PHF24: variants seen among roughly 807,000 people sequenced by gnomAD.
PHF24 encodes the protein Galpha inhibitory interacting protein.
A neutral mutation model predicts 42.6 loss-of-function variants in PHF24; 25 were observed. That is an observed-to-expected ratio of 0.59 (90% CI 0.43 to 0.82). The LOEUF (loss-of-function observed/expected upper bound fraction) is 0.82. Ranked by LOEUF, PHF24 falls within the 40% of genes least tolerant of loss-of-function variation. PHF24 has a pLI of 0.00. For synonymous variants in PHF24, 185 were observed against 204.8 expected, an observed-to-expected ratio of 0.90 and a Z score of 0.83; for missense variants, 470 against 538.1, an observed-to-expected ratio of 0.87 and a Z score of 1.25.
chr9:34,937,852 A>G, the PHF24 span, among the ~76,000 whole-genome samples: 1 of 152,188 alleles, frequency 6.6e-6, no homozygotes, highest in Admixed American at 6.5e-5. Context: ...AAATAGATTC[A>G]TGGTTCTCTA....
At chr9:34,744,387 G>C in the PHF24 span, among the ~76,000 whole-genome samples, 1 of 152,096 alleles carries the variant, frequency 6.6e-6, no homozygotes. Flanking sequence ...TTCAAATTTG[G>C]GGTAAAAACT....
the PHF24 span, among the ~76,000 whole-genome samples, chr9:34,851,547 C>A: frequency 6.6e-6 from 1 of 152,220 alleles, no homozygotes; most frequent in African/African-American, 2.4e-5. Flanking sequence ...TGACCCCTTG[C>A]ACTTCCCGAG....
the PHF24 span, among the ~76,000 whole-genome samples, chr9:34,861,575 A>G: frequency 6.6e-6 from 1 of 152,230 alleles, no homozygotes; most frequent in Non-Finnish European, 1.5e-5. Flanking sequence ...TAAAGAGGCC[A>G]CCACTGATCA....
chr9:34,875,493 AAGT>A, the PHF24 span, among the ~76,000 whole-genome samples: 2 of 152,150 alleles, frequency 1.3e-5, no homozygotes, highest in African/African-American at 4.8e-5. Context: ...CATATAATAA[AAGT>A]AGGATTGTTT....
chr9:34,937,531 T>C, the PHF24 span, among the ~76,000 whole-genome samples: 1 of 152,018 alleles, frequency 6.6e-6, no homozygotes, highest in Non-Finnish European at 1.5e-5. Context: ...CAGGGTCCTC[T>C]GCCTAGGAAA....
the PHF24 span, among the ~76,000 whole-genome samples, chr9:34,912,031 A>C: frequency 5.3e-5 from 8 of 152,214 alleles, no homozygotes; most frequent in Non-Finnish European, 1.2e-4. Flanking sequence ...GAAAAGATGG[A>C]CCAAGCAAGC....
At chr9:34,733,672 T>A in the PHF24 span, among the ~76,000 whole-genome samples, 3 of 152,122 alleles carry the variant, frequency 2.0e-5, no homozygotes, top group African/African-American at 7.2e-5. Flanking sequence ...GGCTAATTTT[T>A]ATTTTTATTT....
chr9:34,916,999 T>C, the PHF24 span, among the ~76,000 whole-genome samples: 1 of 152,166 alleles, frequency 6.6e-6, no homozygotes, highest in African/African-American at 2.4e-5. Flanking sequence ...ACTTAGAAAC[T>C]CTTGAATACT....
the PHF24 span, among the ~76,000 whole-genome samples, chr9:34,687,611 T>G: frequency 6.6e-6 from 1 of 152,184 alleles, no homozygotes; most frequent in Non-Finnish European, 1.5e-5. Flanking sequence ...GCCCCTATCC[T>G]GGTAGCATCT....
the PHF24 span, among the ~76,000 whole-genome samples, chr9:34,750,307 C>G: frequency 6.6e-6 from 1 of 151,858 alleles, no homozygotes; most frequent in Non-Finnish European, 1.5e-5. Context: ...CCAGACTGGT[C>G]AACATGGTGA....
chr9:34,678,059 G>T, the PHF24 span: 3 of 152,236 alleles, frequency 2.0e-5, no homozygotes, highest in African/African-American at 7.2e-5. Context: ...CTTAATGTGA[G>T]TGGGCACAAT....
the PHF24 span, among the ~76,000 whole-genome samples, chr9:34,727,759 T>G: frequency 6.6e-6 from 1 of 152,228 alleles, no homozygotes; most frequent in Non-Finnish European, 1.5e-5. Context: ...CCATGTAATA[T>G]GTTTTATGAA....
At chr9:34,856,037 G>C in the PHF24 span, among the ~76,000 whole-genome samples, 4 of 152,236 alleles carry the variant, frequency 2.6e-5, no homozygotes, top group South Asian at 8.3e-4. Flanking sequence ...CAAACTCTGA[G>C]ATTCTTTCCT....
At chr9:34,966,608 A>C (rs912290716) in intron 1 of PHF24, among the ~76,000 whole-genome samples, 1 of 152,080 alleles carries the variant, frequency 6.6e-6, no homozygotes, top group African/African-American at 2.4e-5. Context: ...TCTCAAAATA[A>C]ATAATTAAAT....
At chr9:34,741,506 G>T in the PHF24 span, among the ~76,000 whole-genome samples, 1 of 152,030 alleles carries the variant, frequency 6.6e-6, no homozygotes, top group South Asian at 2.1e-4. Context: ...GGGATTACAG[G>T]CATGTGCCAC....
chr9:34,919,573 G>T, the PHF24 span, among the ~76,000 whole-genome samples: 2 of 151,616 alleles, frequency 1.3e-5, no homozygotes, highest in Non-Finnish European at 2.9e-5. Flanking sequence ...ACATTCCAAT[G>T]ATCTCTTTTA....
At chr9:34,758,587 G>A in the PHF24 span, among the ~76,000 whole-genome samples, 1 of 152,122 alleles carries the variant, frequency 6.6e-6, no homozygotes, top group Admixed American at 6.5e-5. The surrounding 1 kb of genome is among the most constrained non-coding windows in gnomAD (Gnocchi z 4.4). Flanking sequence ...TGAAGATGGA[G>A]CCACAGTGCT....
the PHF24 span, among the ~76,000 whole-genome samples, chr9:34,894,245 T>C: frequency 6.6e-6 from 1 of 152,180 alleles, no homozygotes; most frequent in Non-Finnish European, 1.5e-5. Flanking sequence ...CAAAGCAGAA[T>C]TGGGTGACCC....
chr9:34,823,852 T>TTCAG, the PHF24 span, among the ~76,000 whole-genome samples: 4 of 152,048 alleles, frequency 2.6e-5, no homozygotes, highest in Admixed American at 2.6e-4. Context: ...TGATGATGAA[T>TTCAG]TCAGATCTAA....
Sources: allele counts gnomAD v4.1 joint callset (sites outside exome capture counted in the v4.1 genomes callset), GRCh38; gene constraint gnomAD v4.1.1; non-coding constraint Gnocchi (gnomAD v3.1); transcripts MANE v1.5; gene names NCBI Gene and HGNC (gene_info 2026-07-23, HGNC 2026-07-21).